The following NCLN variants were observed in gnomAD, a reference collection of about 807,000 sequenced individuals.
NCLN encodes BOS complex subunit NCLN.
In NCLN, 34 loss-of-function variants were observed where a neutral mutation model predicts 69.5. That is an observed-to-expected ratio of 0.49 (90% CI 0.37 to 0.65). The LOEUF is 0.65. Among genes scored for constraint, NCLN ranks in the 30% least tolerant of loss-of-function variants. The pLI is 0.00. For synonymous variants in NCLN, 393 were observed against 358.3 expected, an observed-to-expected ratio of 1.10 and a Z score of -1.09; for missense variants, 710 against 804.8, an observed-to-expected ratio of 0.88 and a Z score of 1.42.
Position 3,207,376 on chromosome 19 carries a change from C to G in NCLN, c.1554-15C>G. The G allele has an allele frequency of 6.2e-7, 1 of 1,613,084 alleles. No homozygotes were observed. The highest frequency in any genetic ancestry group is 8.5e-7 in the Non-Finnish European group (1 of 1,179,970). On this transcript the variant is annotated splice_polypyrimidine_tract_variant and intron_variant, in intron 13 of 14. Coordinates refer to ENST00000246117, the MANE Select transcript of NCLN (RefSeq NM_020170.4). ...CGCACCATCCTCGACCTCAGGGACC[C>G]TGCTTTCTCCACAGAGTCAAGCCGG... is the stretch of plus-strand genomic sequence containing the variant.
chr19:3,195,380 G>A (rs911995252), intron 3 of NCLN, among the ~76,000 whole-genome samples: 2 of 151,912 alleles, frequency 1.3e-5, no homozygotes, highest in African/African-American at 4.8e-5. Flanking sequence ...CTCCAGAGTA[G>A]CTGGGACTAC....
intron 6 of NCLN, 89 bp downstream of exon 6, chr19:3,201,715 C>A: frequency 9.0e-7 from 1 of 1,111,274 alleles, no homozygotes; most frequent in Non-Finnish European, 1.3e-6. Flanking sequence ...AGATGTTTCT[C>A]TGGAGCCTCC....
In NCLN at chr19:3,208,462, G is replaced by C. The variant is rs1017568555; in HGVS notation, c.*774G>C. ...TCCTCTTCTCCCAGCCCATCCCTCC[G>C]GCCCCTGTGCCTCTGCGGCCCCAGC... is the stretch of plus-strand genomic sequence containing the variant. On this transcript the variant is annotated 3_prime_UTR_variant, in exon 15 of 15. Coordinates refer to ENST00000246117, the MANE Select transcript of NCLN (RefSeq NM_020170.4). 4 of 151,174 alleles carry C rather than the reference G, an allele frequency of 2.6e-5. No individual in the cohort carries two copies. The highest frequency in any genetic ancestry group is 4.4e-5 in the Non-Finnish European group (3 of 68,136). The allele number at this position is 151,174 out of a possible 1,614,324, so 9.4% of individuals were successfully genotyped here.
intron 4 of NCLN, among the ~76,000 whole-genome samples, chr19:3,197,274 C>T (rs1915988840): frequency 6.6e-6 from 1 of 152,216 alleles, no homozygotes; most frequent in Non-Finnish European, 1.5e-5. Context: ...TGTGCCCTTT[C>T]TCCTGTGAGC....
intron 6 of NCLN, among the ~76,000 whole-genome samples, chr19:3,203,258 A>C (rs1916172196): frequency 6.6e-6 from 1 of 151,960 alleles, no homozygotes; most frequent in South Asian, 2.1e-4. Flanking sequence ...CAGTGAGCCG[A>C]GACTGCACCA....
At chr19:3,191,094 C>T (rs529188935) in intron 1 of NCLN, among the ~76,000 whole-genome samples, 1 of 151,868 alleles carries the variant, frequency 6.6e-6, no homozygotes, top group African/African-American at 2.4e-5. Context: ...GGGAGATCGT[C>T]GCGGTGCGTG....
chr19:3,190,907 T>C (rs1915804344), intron 1 of NCLN, among the ~76,000 whole-genome samples: 1 of 152,114 alleles, frequency 6.6e-6, no homozygotes, highest in Admixed American at 6.6e-5. Flanking sequence ...TCTGGGGTGG[T>C]CCACTGAGGT....
chr19:3,193,466 G>A, intron 3 of NCLN, 38 bp downstream of exon 3: 2 of 1,556,228 alleles, frequency 1.3e-6, no homozygotes, highest in East Asian at 2.3e-5. Context: ...CCGTGGGCGT[G>A]GGTGTGGGGA....
Position 3,204,669 on chromosome 19 carries a change from G to T in NCLN, c.1126G>T (p.Ala376Ser). The T allele has an allele frequency of 9.3e-6, 15 of 1,608,876 alleles. No homozygotes were observed. The highest frequency in any genetic ancestry group is 1.3e-5 in the Non-Finnish European group (15 of 1,178,012). The change falls in exon 9 of 15, where the codon GCC becomes TCC. Residue 376 changes from alanine (A) to serine (S), a missense_variant. By Grantham distance (99) the Ala-to-Ser change is moderately conservative. Transcript: ENST00000246117. ...DVLAWEHERF[A>S]IRRLPAFTLS... ...GCTGGCCTGGGAGCACGAGCGCTTCGCCATCCGCCGACTGCCCGCCTTCAC... is the reference window on the plus strand; with the variant it reads ...GCTGGCCTGGGAGCACGAGCGCTTCTCCATCCGCCGACTGCCCGCCTTCAC...
rs1916044006 is a variant in NCLN at position 3,198,813 on chromosome 19, A to T, written c.616-4A>T. 3 of 1,581,062 alleles carry T rather than the reference A, an allele frequency of 1.9e-6. No homozygotes were observed. Among genetic ancestry groups the T allele is most frequent in the Non-Finnish European group, 2.6e-6 (3 of 1,164,756 alleles). On this transcript the variant is annotated splice_region_variant and splice_polypyrimidine_tract_variant and intron_variant, in intron 4 of 14. Transcript: ENST00000246117. ...CAGGCCATTCCCCTGCTCTCTATCCACAGGGGCGGCTGACGGGGCTGGGCG... is the reference window on the plus strand; with the variant it reads ...CAGGCCATTCCCCTGCTCTCTATCCTCAGGGGCGGCTGACGGGGCTGGGCG...
At chr19:3,201,156 C>T (rs1331834742) in intron 5 of NCLN, among the ~76,000 whole-genome samples, 2 of 152,238 alleles carry the variant, frequency 1.3e-5, no homozygotes, top group Non-Finnish European at 2.9e-5. Context: ...CAGGGCTGGA[C>T]AGATGCTGCC....
At position 3,208,411 on chromosome 19, in the gene NCLN, C is replaced by T. The variant is rs879373510; in HGVS notation, c.*723C>T. The T allele has an allele frequency of 2.6e-5, 4 of 152,502 alleles. No homozygotes were observed. The highest frequency in any genetic ancestry group is 4.4e-5 in the Non-Finnish European group (3 of 68,270). 9.4% of individuals were successfully genotyped at this position (152,502 alleles called of 1,614,324 possible). A position where few individuals can be genotyped will look rare whatever the true frequency, so the allele number is the denominator to read the frequency against. ...GCCCCTGCCTCCCCGACCCCCGACC[C>T]ACTGCAAATCCCCGTTCCCCTGCAC... On this transcript the variant is annotated 3_prime_UTR_variant, in exon 15 of 15. Transcript: ENST00000246117.
chr19:3,200,659 G>A (rs971188409), intron 5 of NCLN, among the ~76,000 whole-genome samples: 2 of 151,948 alleles, frequency 1.3e-5, no homozygotes, highest in African/African-American at 4.8e-5. Flanking sequence ...CCATTTTAGA[G>A]CGTACGAGTG....
At chr19:3,196,315 C>A in intron 4 of NCLN, 38 bp downstream of exon 4, 1 of 1,451,150 alleles carries the variant, frequency 6.9e-7, no homozygotes, top group South Asian at 1.2e-5. Flanking sequence ...CCCACGTCCC[C>A]AGGGGTTCCT....
In NCLN at chr19:3,208,738, A is replaced by T. The variant is rs116565463; in HGVS notation, c.*1050A>T. 0.022 allele frequency: 3,298 copies of T among 152,216 alleles called. 119 individuals are homozygous for T. The highest frequency in any genetic ancestry group is 0.075 in the African/African-American group (3,111 of 41,456). The allele number at this position is 152,216 out of a possible 1,614,324, so 9.4% of individuals were successfully genotyped here. ...CTCAGCTTCCTCATCAATAGAAAGG[A>T]TGTGTTCGGGGTGGGGGCGTCAGGT... is the stretch of plus-strand genomic sequence containing the variant. On this transcript the variant is annotated 3_prime_UTR_variant, in exon 15 of 15. Transcript: ENST00000246117.
intron 14 of NCLN, 50 bp downstream of exon 14, chr19:3,207,519 G>C (rs769144034): frequency 2.2e-5 from 36 of 1,609,132 alleles, no homozygotes; most frequent in Middle Eastern, 1.6e-4. Context: ...GCCGGGAGGA[G>C]CTGGGCTGGG....
At position 3,208,456 on chromosome 19, in the gene NCLN, C is replaced by T. The variant is rs1232964290; in HGVS notation, c.*768C>T. ...CTGCACTCCTCTTCTCCCAGCCCATCCCTCCGGCCCCTGTGCCTCTGCGGC... is the reference window on the plus strand; with the variant it reads ...CTGCACTCCTCTTCTCCCAGCCCATTCCTCCGGCCCCTGTGCCTCTGCGGC... On this transcript the variant is annotated 3_prime_UTR_variant, in exon 15 of 15. Coordinates refer to ENST00000246117, the MANE Select transcript of NCLN (RefSeq NM_020170.4). The T allele has an allele frequency of 1.3e-5, 2 of 152,662 alleles. No individual in the cohort carries two copies. Among genetic ancestry groups the T allele is most frequent in the Non-Finnish European group, 2.9e-5 (2 of 68,368 alleles). The allele number at this position is 152,662 out of a possible 1,614,324, so 9.5% of individuals were successfully genotyped here.
intron 5 of NCLN, among the ~76,000 whole-genome samples, chr19:3,200,458 G>GT (rs1916097620): frequency 6.6e-6 from 1 of 151,066 alleles, no homozygotes; most frequent in South Asian, 2.1e-4. Context: ...CTACAGGCGC[G>GT]TGCCACCACA....
At chr19:3,200,160 A>G (rs1375113762) in intron 5 of NCLN, among the ~76,000 whole-genome samples, 1 of 152,124 alleles carries the variant, frequency 6.6e-6, no homozygotes, top group East Asian at 1.9e-4. Flanking sequence ...GCTCAGAGCA[A>G]TGCCTCTTGA....
Sources: allele counts gnomAD v4.1 joint callset (sites outside exome capture counted in the v4.1 genomes callset), GRCh38; gene constraint gnomAD v4.1.1; transcripts MANE v1.5; gene names NCBI Gene and HGNC (gene_info 2026-07-23, HGNC 2026-07-21).